DDIT3: variants seen among roughly 807,000 people sequenced by gnomAD.
The protein encoded by DDIT3 is DNA damage-inducible transcript 3 protein.
Under a neutral mutation model 17.6 loss-of-function variants are expected in DDIT3, and 14 were observed. That is an observed-to-expected ratio of 0.80 (90% CI 0.53 to 1.25). The LOEUF (loss-of-function observed/expected upper bound fraction) is 1.25. Ranked by LOEUF, DDIT3 falls within the 50% of genes most tolerant of loss-of-function variation. The probability of loss-of-function intolerance (pLI) is 0.00; values close to 1 mark genes in which losing one functional copy is unlikely to be tolerated. For synonymous variants in DDIT3, 93 were observed against 76.5 expected, an observed-to-expected ratio of 1.22 and a Z score of -1.13; for missense variants, 216 against 202.7, an observed-to-expected ratio of 1.07 and a Z score of -0.40.
chr12:57,519,230 T>G (rs778395140), intron 1 of DDIT3: 2 of 532,404 alleles, frequency 3.8e-6, no homozygotes, highest in Non-Finnish European at 7.7e-6. Flanking sequence ...TGGAAGTCAC[T>G]GAAGGGTTTT....
At chr12:57,519,704 CAG>C (rs1275885183) in intron 1 of DDIT3, among the ~76,000 whole-genome samples, 1 of 152,214 alleles carries the variant, frequency 6.6e-6, no homozygotes, top group Middle Eastern at 3.2e-3. Context: ...AATGGTTACA[CAG>C]AGATTAGCTG....
At chr12:57,518,176 G>A (rs577865870) in intron 1 of DDIT3, among the ~76,000 whole-genome samples, 1 of 152,006 alleles carries the variant, frequency 6.6e-6, no homozygotes, top group Non-Finnish European at 1.5e-5. Context: ...GGTCTTGTGG[G>A]GTATGCATAC....
chr12:57,520,199 G>A (rs1878199211), intron 1 of DDIT3, among the ~76,000 whole-genome samples: 2 of 152,240 alleles, frequency 1.3e-5, no homozygotes, highest in Admixed American at 1.3e-4. Context: ...CAGCAGCACA[G>A]AGCAGGGCCC....
intron 2 of DDIT3, 117 bp from the exon 3 acceptor site, chr12:57,517,555 C>CA (rs1877963256): frequency 2.8e-6 from 3 of 1,068,052 alleles, no homozygotes; most frequent in Non-Finnish European, 4.2e-6. Context: ...GGAATACAGC[C>CA]ACATCTGTTT....
chr12:57,517,092 G>A lies in DDIT3; in HGVS notation c.227C>T (p.Thr76Ile). The change falls in exon 4 of 4, where the codon ACC becomes ATC. Residue 76 changes from threonine (T) to isoleucine (I), a missense_variant. Coordinates refer to ENST00000346473, the MANE Select transcript of DDIT3 (RefSeq NM_004083.6). ...ATCTGGAGAGTGAGGGCTCTGGGAG[G>A]TGCTTGTGACCTCTGCTGGTTCTGG... ...EEPEPAEVTS[T>I]SQSPHSPDSS... 2.5e-6 allele frequency: 4 copies of A among 1,614,170 alleles called. No homozygotes were observed. The highest frequency in any genetic ancestry group is 3.4e-6 in the Non-Finnish European group (4 of 1,180,022).
chr12:57,518,143 C>A (rs1878018611), intron 1 of DDIT3, among the ~76,000 whole-genome samples: 1 of 152,124 alleles, frequency 6.6e-6, no homozygotes, highest in Non-Finnish European at 1.5e-5. Context: ...CCTCCAGCCT[C>A]CTACTGGTCC....
rs374855519 is a variant in DDIT3 at position 57,517,304 on chromosome 12, C to T, written c.103G>A (p.Gly35Arg). ...CCAGGAGGTGAAACATAGGTACCCC[C>T]ATTTTCATCTGAAGACAGGACCTCT... ...LQEVLSSDENGGTYVSPPGNE... is the reference protein window; with the variant it reads ...LQEVLSSDENRGTYVSPPGNE... Residue 35 changes from glycine to arginine, a missense_variant, in exon 3 of 4, where the codon GGG becomes AGG. By Grantham distance (125) the Gly-to-Arg change is moderately radical (BLOSUM62 -2). Coordinates refer to ENST00000346473, the MANE Select transcript of DDIT3 (RefSeq NM_004083.6). 13 of 1,614,126 alleles carry T rather than the reference C, an allele frequency of 8.1e-6. No homozygotes were observed. The highest frequency in any genetic ancestry group is 1.1e-5 in the Non-Finnish European group (13 of 1,180,030).
intron 1 of DDIT3, among the ~76,000 whole-genome samples, chr12:57,519,818 C>T (rs1381091968): frequency 6.6e-6 from 1 of 152,202 alleles, no homozygotes; most frequent in African/African-American, 2.4e-5. Context: ...ATCCAGGCTG[C>T]TCTCTTGTGC....
rs1877911719 is a variant in DDIT3, at chr12:57,517,065, G to T, written c.254C>A (p.Ser85Tyr). 1 of 1,614,152 alleles carries T rather than the reference G, an allele frequency of 6.2e-7. No individual in the cohort carries two copies. Residue 85 changes from serine (S) to tyrosine (Y), a missense_variant, in exon 4 of 4, where the codon TCC (serine) becomes TAC (tyrosine). Transcript: ENST00000346473. ...CTCCTGAGCCAGGGAGCTCTGACTG[G>T]AATCTGGAGAGTGAGGGCTCTGGGA... ...STSQSPHSPD[S>Y]SQSSLAQEEE...
rs1878232142 is a variant in DDIT3, at chr12:57,520,496, TTA to T, written c.-161_-160del. 2 of 398,546 alleles carry T rather than the reference TTA, an allele frequency of 5.0e-6. No individual in the cohort carries two copies. The highest frequency in any genetic ancestry group is 8.8e-6 in the Non-Finnish European group (2 of 226,124). The allele number at this position is 398,546 out of a possible 1,614,324, so 24.7% of individuals were successfully genotyped here. ...TCTTTAACATGATACGCTCAGTGCC[TTA>T]GACTTAAGTCTCTGACCTCGGGAGC... On this transcript the variant is annotated 5_prime_UTR_variant, in exon 1 of 4. Coordinates refer to ENST00000346473, the MANE Select transcript of DDIT3 (RefSeq NM_004083.6).
At chr12:57,517,461 T>C in intron 2 of DDIT3, 23 bp from the exon 3 acceptor site, 1 of 1,600,172 alleles carries the variant, frequency 6.2e-7, no homozygotes, top group Non-Finnish European at 8.5e-7. Context: ...GGGGAGTGGC[T>C]GGAACAAGCT....
Position 57,516,995 on chromosome 12 carries a change from ACTCT to A in DDIT3, c.320_323del (p.Gln107LeufsTer13). 2.5e-6 allele frequency: 4 copies of A among 1,613,128 alleles called. No homozygotes were observed. Among genetic ancestry groups the A allele is most frequent in the Non-Finnish European group, 3.4e-6 (4 of 1,179,790 alleles). ...TTCCAGCCCGGGCTGGGGAATGACC[ACTCT>A]GTTTCCGTTTCCTGGTTCTCCCTTG... On this transcript the variant is annotated frameshift_variant, in exon 4 of 4. Coordinates refer to ENST00000346473, the MANE Select transcript of DDIT3 (RefSeq NM_004083.6). LOFTEE classifies it high-confidence loss of function.
rs758258051 is a variant in DDIT3 at position 57,517,085 on chromosome 12, C to G, written c.234G>C (p.Gln78His). The G allele has an allele frequency of 1.9e-6, 3 of 1,614,056 alleles. No individual in the cohort carries two copies. In the African/African-American group the frequency reaches 4.0e-5, roughly 22 times the overall value. Residue 78 changes from glutamine to histidine, a missense_variant, in exon 4 of 4, where the codon CAG (glutamine) becomes CAC (histidine). Transcript: ENST00000346473. ...PEPAEVTSTS[Q>H]SPHSPDSSQS... ...GACTGGAATCTGGAGAGTGAGGGCT[C>G]TGGGAGGTGCTTGTGACCTCTGCTG...
At chr12:57,518,651 G>C (rs1014610030) in intron 1 of DDIT3, among the ~76,000 whole-genome samples, 10 of 152,082 alleles carry the variant, frequency 6.6e-5, no homozygotes, top group Admixed American at 6.6e-4. Context: ...CAAAGTACTA[G>C]CAAATTTTAA....
chr12:57,516,820 G>A lies in DDIT3; in HGVS notation c.499C>T (p.His167Tyr), dbSNP rs1877877795. The A allele has an allele frequency of 6.2e-7, 1 of 1,610,582 alleles. No individual in the cohort carries two copies. Among genetic ancestry groups the A allele is most frequent in the African/African-American group, 1.3e-5 (1 of 74,916 alleles). Residue 167 changes from histidine to tyrosine, a missense_variant, in exon 4 of 4, where the codon CAC (histidine) becomes TAC (tyrosine). His to Tyr is a moderately conservative substitution (Grantham distance 83). Coordinates refer to ENST00000346473, the MANE Select transcript of DDIT3 (RefSeq NM_004083.6). ...RALIDRMVNL[H>Y]QA ...ATGCTCCCAATTGTTCATGCTTGGT[G>A]CAGATTCACCATTCGGTCAATCAGA...
Position 57,517,331 on chromosome 12 carries a change from G to C in DDIT3, c.76C>G (p.Gln26Glu), listed in dbSNP as rs1270992059. ...WELEAWYEDL[Q>E]EVLSSDENGG... ...TTTTCATCTGAAGACAGGACCTCTT[G>C]CAGGTCCTCATACCAGGCTTCCAGC... Residue 26 changes from glutamine (Q) to glutamate (E), a missense_variant, in exon 3 of 4, where the codon CAA (glutamine) becomes GAA (glutamate). Gln to Glu is a conservative substitution (Grantham distance 29). Coordinates refer to ENST00000346473, the MANE Select transcript of DDIT3 (RefSeq NM_004083.6). The C allele has an allele frequency of 6.2e-7, 1 of 1,613,834 alleles. No individual in the cohort carries two copies. The highest frequency in any genetic ancestry group is 8.5e-7 in the Non-Finnish European group (1 of 1,179,980).
rs1256767863 is a variant in DDIT3 at position 57,516,910 on chromosome 12, C to T, written c.409G>A (p.Glu137Lys). The change falls in exon 4 of 4, where the codon GAG becomes AAG. Residue 137 changes from glutamate (E) to lysine (K), a missense_variant. Physicochemically the swap from Glu to Lys is moderately conservative, Grantham distance 56 (BLOSUM62 1). Transcript: ENST00000346473. ...ATTTCCTGCTTGAGCCGTTCATTCTCTTCAGCTAGCTGTGCCACTTTCCTT... is the reference window on the plus strand; with the variant it reads ...ATTTCCTGCTTGAGCCGTTCATTCTTTTCAGCTAGCTGTGCCACTTTCCTT... Reference protein sequence around the residue: ...NERKVAQLAEENERLKQEIER... With the variant: ...NERKVAQLAEKNERLKQEIER... 1.2e-6 allele frequency: 2 copies of T among 1,614,020 alleles called. No individual in the cohort carries two copies. Among genetic ancestry groups the T allele is most frequent in the East Asian group, 4.5e-5 (2 of 44,902 alleles).
At position 57,517,022 on chromosome 12, in the gene DDIT3, T is replaced by C. The variant is rs768774794; in HGVS notation, c.297A>G (p.Gln99=). The C allele has an allele frequency of 1.9e-6, 3 of 1,614,164 alleles. No individual in the cohort carries two copies. The South Asian group carries it at 3.3e-5, about 18-fold the overall frequency. ...TCTGTTTCCGTTTCCTGGTTCTCCC[T>C]TGGTCTTCCTCCTCTTCCTCCTGAG... The part of the protein sequence containing the change: ...SLAQEEEEED[Q]GRTRKRKQSG... Residue 99 remains glutamine (Q), a synonymous_variant, in exon 4 of 4, where the codon CAA becomes CAG. Coordinates refer to ENST00000346473, the MANE Select transcript of DDIT3 (RefSeq NM_004083.6).
At chr12:57,520,184 T>C (rs1051559234) in intron 1 of DDIT3, among the ~76,000 whole-genome samples, 6 of 152,174 alleles carry the variant, frequency 3.9e-5, no homozygotes, top group Admixed American at 2.0e-4. Flanking sequence ...CGAGGTCCCT[T>C]TGCCCAGCAG....
Sources: gnomAD v4.1 joint callset for allele counts (sites outside exome capture counted in the v4.1 genomes callset) on GRCh38, gnomAD v4.1.1 for gene constraint, MANE v1.5 for transcripts, NCBI Gene and HGNC (gene_info 2026-07-23, HGNC 2026-07-21) for gene names.